The following MBD2 variants were observed in gnomAD, a reference collection of about 807,000 sequenced individuals.
MBD2 encodes methyl-CpG-binding domain protein 2.
A neutral mutation model predicts 39.3 loss-of-function variants in MBD2; 9 were observed. The ratio of observed to expected loss-of-function variants is 0.23; its 90% CI spans 0.14 to 0.40. MBD2 has a LOEUF of 0.40. Among genes scored for constraint, MBD2 ranks in the 10% least tolerant of loss-of-function variants. The pLI, the probability that MBD2 is intolerant of heterozygous loss-of-function variation, is 1.00. For synonymous variants in MBD2, 233 were observed against 211.1 expected (o/e 1.10, Z -0.90); for missense variants, 458 against 532.6 (o/e 0.86, Z 1.38).
intron 3 of MBD2, among the ~76,000 whole-genome samples, chr18:54,166,717 T>C (rs1173428763): frequency 6.6e-6 from 1 of 152,202 alleles, no homozygotes. Flanking sequence ...AAACTGGATG[T>C]CACATTCATG....
intron 2 of MBD2, among the ~76,000 whole-genome samples, chr18:54,197,627 G>C (rs1006518720): frequency 6.6e-6 from 1 of 152,074 alleles, no homozygotes; most frequent in African/African-American, 2.4e-5. Context: ...TCACCCTTTA[G>C]TACTCTTTTT....
At chr18:54,164,444 C>A in intron 5 of MBD2, 79 bp downstream of exon 5, 2 of 1,261,978 alleles carry the variant, frequency 1.6e-6, no homozygotes, top group Non-Finnish European at 2.3e-6. Context: ...ACTAGATATG[C>A]CACTGAACCT....
chr18:54,216,499 C>T (rs1025306604), intron 1 of MBD2, among the ~76,000 whole-genome samples: 1 of 152,188 alleles, frequency 6.6e-6, no homozygotes. Context: ...GACACAGCTC[C>T]TGACACTGAG....
intron 1 of MBD2, 65 bp from the exon 2 acceptor site, chr18:54,205,222 T>C (rs2086439306): frequency 2.9e-6 from 4 of 1,379,066 alleles, no homozygotes; most frequent in South Asian, 1.3e-5. Context: ...CTTTTCTTCA[T>C]GTCTTCCCCT....
chr18:54,214,103 T>C (rs1451571671), intron 1 of MBD2, among the ~76,000 whole-genome samples: 1 of 151,230 alleles, frequency 6.6e-6, no homozygotes, highest in Admixed American at 6.6e-5. Context: ...TACTCTTCTA[T>C]ATTTTCCCAA....
chr18:54,219,586 C>G (rs2086592680), intron 1 of MBD2, among the ~76,000 whole-genome samples: 1 of 152,122 alleles, frequency 6.6e-6, no homozygotes, highest in Non-Finnish European at 1.5e-5. Flanking sequence ...AAGACTTTAA[C>G]ACAAATATGT....
intron 1 of MBD2, among the ~76,000 whole-genome samples, chr18:54,208,678 A>G (rs561525913): frequency 2.0e-5 from 3 of 152,372 alleles, no homozygotes; most frequent in South Asian, 4.1e-4. Context: ...GCTTAGAGAC[A>G]AATAGGAAGC....
intron 1 of MBD2, among the ~76,000 whole-genome samples, chr18:54,206,079 C>CTA (rs1435710583): frequency 6.6e-6 from 1 of 152,134 alleles, no homozygotes; most frequent in Non-Finnish European, 1.5e-5. Flanking sequence ...TTTAAATGCT[C>CTA]TCTAATACTA....
intron 1 of MBD2, among the ~76,000 whole-genome samples, chr18:54,223,608 T>C (rs529207226): frequency 6.6e-6 from 1 of 152,260 alleles, no homozygotes; most frequent in Non-Finnish European, 1.5e-5. Flanking sequence ...CTTGTTACTG[T>C]AGATAGCTCA....
At chr18:54,219,106 TAC>T (rs1035795239) in intron 1 of MBD2, among the ~76,000 whole-genome samples, 12 of 152,216 alleles carry the variant, frequency 7.9e-5, no homozygotes, top group African/African-American at 1.9e-4. Context: ...TACCCGATGT[TAC>T]ACAGTCGATG....
intron 3 of MBD2, chr18:54,187,648 A>C: frequency 2.0e-6 from 2 of 980,950 alleles, no homozygotes; most frequent in Non-Finnish European, 2.4e-6. Context: ...AGAAAACCTA[A>C]GTGGTGACAA....
intron 3 of MBD2, among the ~76,000 whole-genome samples, chr18:54,175,775 T>G (rs1047948849): frequency 2.6e-5 from 4 of 152,102 alleles, no homozygotes; most frequent in African/African-American, 9.7e-5. Flanking sequence ...AATTACCAAA[T>G]CCAATTCCTA....
chr18:54,159,390 A>C (rs907348612), intron 6 of MBD2, among the ~76,000 whole-genome samples: 12 of 152,112 alleles, frequency 7.9e-5, no homozygotes, highest in Non-Finnish European at 1.6e-4. Flanking sequence ...AGGAAGCTAC[A>C]GGGAAAATAA....
chr18:54,213,218 G>A (rs564281141), intron 1 of MBD2, among the ~76,000 whole-genome samples: 34 of 152,240 alleles, frequency 2.2e-4, no homozygotes, highest in African/African-American at 3.6e-4. Context: ...GTTAAGAACC[G>A]GGAGGTACAG....
At chr18:54,222,492 T>TC in intron 1 of MBD2, 1 of 366,816 alleles carries the variant, frequency 2.7e-6, no homozygotes, top group Non-Finnish European at 5.5e-6. Context: ...TTCTTTTTTT[T>TC]CTTTAAAGAG....
chr18:54,210,648 G>A (rs1014361830), intron 1 of MBD2, among the ~76,000 whole-genome samples: 3 of 152,138 alleles, frequency 2.0e-5, no homozygotes, highest in African/African-American at 7.2e-5. Context: ...GGGGGTAGCA[G>A]TCACCAGACT....
intron 3 of MBD2, among the ~76,000 whole-genome samples, chr18:54,184,807 G>C (rs2086273681): frequency 6.6e-6 from 1 of 152,004 alleles, no homozygotes; most frequent in Non-Finnish European, 1.5e-5. Flanking sequence ...CTATTCATTT[G>C]GCACTTTGTA....
At position 54,204,985 on chromosome 18, in the gene MBD2, T is replaced by C. The variant is rs574841904; in HGVS notation, c.702+13A>G. 1.9e-6 allele frequency: 3 copies of C among 1,610,764 alleles called. No individual in the cohort carries two copies. The highest frequency in any genetic ancestry group is 2.7e-5 in the African/African-American group (2 of 74,868). ...CGAAGTAGCATATACATGCGATAAGTAAATTAACCAACCTTATTTTGATTG... is the reference window on the plus strand; with the variant it reads ...CGAAGTAGCATATACATGCGATAAGCAAATTAACCAACCTTATTTTGATTG... On this transcript the variant is annotated intron_variant, in intron 2 of 6. Transcript: ENST00000256429.
chr18:54,166,205 G>T, intron 3 of MBD2, 39 bp from the exon 4 acceptor site: 1 of 1,276,898 alleles, frequency 7.8e-7, no homozygotes, highest in South Asian at 1.2e-5. Flanking sequence ...ATACATTTTT[G>T]AAACAAGAAA....
Sources: gnomAD v4.1 joint callset for allele counts (sites outside exome capture counted in the v4.1 genomes callset) on GRCh38, gnomAD v4.1.1 for gene constraint, MANE v1.5 for transcripts, NCBI Gene and HGNC (gene_info 2026-07-23, HGNC 2026-07-21) for gene names.